JAZF1: variants seen among roughly 807,000 people sequenced by gnomAD.
JAZF1 encodes the protein juxtaposed with another zinc finger protein 1.
In JAZF1, 8 loss-of-function variants were observed where a neutral mutation model predicts 26.4. The observed-to-expected ratio is 0.30, with a 90% CI of 0.18 to 0.55. The LOEUF (loss-of-function observed/expected upper bound fraction) is 0.55. JAZF1 is among the 20% of genes least tolerant of loss of function. JAZF1 has a pLI of 0.94. For missense variants in JAZF1, 199 were observed against 322.0 expected, an observed-to-expected ratio of 0.62 and a Z score of 2.92; for synonymous variants, 126 against 122.3, an observed-to-expected ratio of 1.03 and a Z score of -0.20.
chr7:27,962,677 G>A (rs1364790905), intron 2 of JAZF1, among the ~76,000 whole-genome samples: 2 of 152,188 alleles, frequency 1.3e-5, no homozygotes. Flanking sequence ...TAATGGCCAG[G>A]CTTAGGGTAA....
intron 1 of JAZF1, among the ~76,000 whole-genome samples, chr7:28,055,057 G>A (rs536078445): frequency 5.7e-4 from 87 of 152,044 alleles, no homozygotes; most frequent in African/African-American, 1.5e-3. Context: ...CTTAGAATTC[G>A]TGTACTACAT....
intron 1 of JAZF1, among the ~76,000 whole-genome samples, chr7:28,010,321 G>C (rs1176511495): frequency 6.6e-6 from 1 of 152,170 alleles, no homozygotes; most frequent in Non-Finnish European, 1.5e-5. Flanking sequence ...AGCTCTGGGA[G>C]GGCGGTCGTC....
At chr7:27,877,072 G>A (rs754273727) in intron 3 of JAZF1, among the ~76,000 whole-genome samples, 1 of 152,218 alleles carries the variant, frequency 6.6e-6, no homozygotes, top group South Asian at 2.1e-4. Flanking sequence ...GCAGGCTACC[G>A]AGAGGGCGCT....
rs867280242 is a variant in JAZF1, at chr7:27,835,313, A to C, written c.556-2337T>G. The stretch of plus-strand genomic sequence containing the variant: ...AATTAGGCTAAAAAAAAGATTTAAG[A>C]CCAGAAATTGCTAAAGCCATAAAAG... On this transcript the variant is annotated intron_variant, in intron 4 of 4. Transcript: ENST00000283928. Among the ~76,000 whole-genome samples the C allele has an allele frequency of 5.3e-5, 8 of 152,298 alleles. No homozygotes were observed. The East Asian group carries it at 1.5e-3, about 29-fold the overall frequency.
chr7:27,934,245 A>G (rs1252844890), intron 2 of JAZF1, among the ~76,000 whole-genome samples: 1 of 152,218 alleles, frequency 6.6e-6, no homozygotes, highest in Non-Finnish European at 1.5e-5. Flanking sequence ...TATCAGGTAA[A>G]TGTGATCTAA....
At chr7:27,988,131 G>A (rs1464599892) in intron 2 of JAZF1, among the ~76,000 whole-genome samples, 1 of 150,316 alleles carries the variant, frequency 6.7e-6, no homozygotes, top group Non-Finnish European at 1.5e-5. Flanking sequence ...CTCCACTATT[G>A]TCCTATGACC....
chr7:28,109,552 A>C (rs1328931883), intron 1 of JAZF1, among the ~76,000 whole-genome samples: 4 of 152,200 alleles, frequency 2.6e-5, no homozygotes, highest in Non-Finnish European at 5.9e-5. Context: ...AGCACTGAAT[A>C]CTGTAAAGCA....
chr7:27,913,653 A>C (rs568380800), intron 2 of JAZF1, among the ~76,000 whole-genome samples: 15 of 152,348 alleles, frequency 9.8e-5, no homozygotes, highest in African/African-American at 2.6e-4. Context: ...CCAGAAGAAG[A>C]AAATCCAACC....
Position 27,930,660 on chromosome 7 carries a change from TCA to T in JAZF1, c.189-35246_189-35245del, listed in dbSNP as rs200979893. ...AAACTTTTCTTCATGAAAAAACTGTTCAGTTATTTTTAGACACTTTCATAAAA... is the reference window on the plus strand; with the variant it reads ...AAACTTTTCTTCATGAAAAAACTGTTGTTATTTTTAGACACTTTCATAAAA... On this transcript the variant is annotated intron_variant, in intron 2 of 4. Coordinates refer to ENST00000283928, the MANE Select transcript of JAZF1 (RefSeq NM_175061.4). Among the ~76,000 whole-genome samples, 946 of 152,352 alleles carry T rather than the reference TCA, an allele frequency of 6.2e-3. 9 individuals carry two copies. The highest frequency in any genetic ancestry group is 0.018 in the African/African-American group (756 of 41,574).
intron 2 of JAZF1, among the ~76,000 whole-genome samples, chr7:27,933,008 C>A (rs1052544379): frequency 2.6e-5 from 4 of 152,110 alleles, no homozygotes; most frequent in Admixed American, 2.6e-4. Context: ...AAAGGCAGGC[C>A]AGGAGATGCT....
chr7:28,158,186 C>CACACAG (rs149643430), intron 1 of JAZF1, among the ~76,000 whole-genome samples: 60,077 of 143,104 alleles, frequency 0.42, 12,506 homozygotes, highest in Middle Eastern at 0.45. Flanking sequence ...CACACACACA[C>CACACAG]AGAGAGAGAG....
At chr7:28,161,257 TAA>T (rs10630786) in intron 1 of JAZF1, among the ~76,000 whole-genome samples, 1,050 of 77,126 alleles carry the variant, frequency 0.014, 7 homozygotes, top group African/African-American at 0.021. Context: ...TCCTTTAATC[TAA>T]AAAAAAAAAA....
At chr7:28,078,986 C>T (rs1372714485) in intron 1 of JAZF1, among the ~76,000 whole-genome samples, 4 of 151,440 alleles carry the variant, frequency 2.6e-5, no homozygotes, top group Non-Finnish European at 2.9e-5. Context: ...CTAAAATGCC[C>T]ATAATTTTTT....
intron 2 of JAZF1, among the ~76,000 whole-genome samples, chr7:27,964,713 A>G (rs1333356209): frequency 6.6e-6 from 1 of 151,740 alleles, no homozygotes; most frequent in African/African-American, 2.4e-5. Flanking sequence ...TGACCAAGGA[A>G]ATCAAAGGAA....
rs191675412 is a variant in JAZF1 at position 27,947,987 on chromosome 7, A to G, written c.188+43922T>C. 1.2e-3 allele frequency among the ~76,000 whole-genome samples: 188 copies of G among 152,290 alleles called. 1 individual carries two copies. The highest frequency in any genetic ancestry group is 4.4e-3 in the African/African-American group (183 of 41,542). ...ATCTTACACTTAGGTCTTTTGGTCA[A>G]TTCATGGCAGAGGCTGCCAAGGATG... On this transcript the variant is annotated intron_variant, in intron 2 of 4. Coordinates refer to ENST00000283928, the MANE Select transcript of JAZF1 (RefSeq NM_175061.4).
At chr7:27,869,063 A>G (rs919901473) in intron 3 of JAZF1, among the ~76,000 whole-genome samples, 2 of 152,240 alleles carry the variant, frequency 1.3e-5, no homozygotes, top group East Asian at 1.9e-4. Flanking sequence ...CTGCATTCAC[A>G]AGTTGCAAAC....
chr7:27,983,605 C>T (rs1160809227), intron 2 of JAZF1, among the ~76,000 whole-genome samples: 1 of 152,144 alleles, frequency 6.6e-6, no homozygotes, highest in Non-Finnish European at 1.5e-5. Context: ...GAGAACGCCA[C>T]AAAGATACTC....
chr7:27,979,366 A>ATTTTTTTT (rs55737757), intron 2 of JAZF1, among the ~76,000 whole-genome samples: 2 of 58,434 alleles, frequency 3.4e-5, no homozygotes, highest in African/African-American at 1.3e-4. Context: ...GGTACACTAC[A>ATTTTTTTT]TTTTTTTTTT....
chr7:28,141,847 C>T (rs1334837173), intron 1 of JAZF1, among the ~76,000 whole-genome samples: 1 of 152,104 alleles, frequency 6.6e-6, no homozygotes, highest in Non-Finnish European at 1.5e-5. Flanking sequence ...AAAAGTTTCA[C>T]AAAACACTCT....
Sources: gnomAD v4.1 joint callset for allele counts (sites outside exome capture counted in the v4.1 genomes callset) on GRCh38, gnomAD v4.1.1 for gene constraint, MANE v1.5 for transcripts, NCBI Gene and HGNC (gene_info 2026-07-23, HGNC 2026-07-21) for gene names.